EYS: variants seen among roughly 807,000 people sequenced by gnomAD.
EYS encodes the protein EGF-like photoreceptor maintenance factor.
Under a neutral mutation model 282.1 loss-of-function variants are expected in EYS, and 250 were observed. The observed-to-expected ratio is 0.89, with a 90% confidence interval of 0.80 to 0.98. The LOEUF is 0.98. Among genes scored for constraint, EYS ranks in the 50% least tolerant of loss-of-function variants. The pLI is 0.00. For synonymous variants in EYS, 1,355 were observed against 1,282.9 expected (o/e 1.06, Z -1.20); for missense variants, 4,016 against 3,709.0 (o/e 1.08, Z -2.15).
At chr6:64,748,584 G>T (rs896230815) in intron 22 of EYS, among the ~76,000 whole-genome samples, 1 of 152,160 alleles carries the variant, frequency 6.6e-6, no homozygotes, top group African/African-American at 2.4e-5. Context: ...ATCTATCATT[G>T]TGTTCCCAGA....
intron 33 of EYS, among the ~76,000 whole-genome samples, chr6:64,030,833 G>A (rs1769786568): frequency 6.6e-6 from 1 of 152,178 alleles, no homozygotes; most frequent in Admixed American, 6.5e-5. Context: ...AGGACCCCTG[G>A]ACCAACGCGC....
At chr6:64,740,274 T>C (rs1282158446) in intron 22 of EYS, among the ~76,000 whole-genome samples, 1 of 152,198 alleles carries the variant, frequency 6.6e-6, no homozygotes, top group Non-Finnish European at 1.5e-5. Context: ...GTTTCTACTA[T>C]ATTTTCAAAT....
intron 22 of EYS, among the ~76,000 whole-genome samples, chr6:64,681,570 TG>T (rs1769896099): frequency 6.6e-6 from 1 of 152,138 alleles, no homozygotes; most frequent in Admixed American, 6.5e-5. Flanking sequence ...TGTCAGGTGA[TG>T]GTTCCGCAAT....
intron 12 of EYS, among the ~76,000 whole-genome samples, chr6:65,067,532 G>A (rs912876378): frequency 6.6e-6 from 1 of 152,060 alleles, no homozygotes; most frequent in Non-Finnish European, 1.5e-5. Flanking sequence ...ATCAATGGGT[G>A]TATCAGTTGG....
chr6:64,534,796 CTT>C (rs199740002), intron 26 of EYS, among the ~76,000 whole-genome samples: 2,379 of 146,408 alleles, frequency 0.016, 51 homozygotes, highest in East Asian at 0.088. Flanking sequence ...TTAACACCAT[CTT>C]TTTTTTTTTT....
chr6:64,392,431 C>G (rs1308105103), intron 28 of EYS, among the ~76,000 whole-genome samples: 1 of 150,508 alleles, frequency 6.6e-6, no homozygotes, highest in East Asian at 2.0e-4. Flanking sequence ...AACTATCTCT[C>G]AGACCACACT....
At chr6:65,018,186 A>T (rs1253057976) in intron 13 of EYS, among the ~76,000 whole-genome samples, 1 of 152,214 alleles carries the variant, frequency 6.6e-6, no homozygotes, top group Non-Finnish European at 1.5e-5. Flanking sequence ...AACCATATCA[A>T]AGCACCACAA....
intron 12 of EYS, among the ~76,000 whole-genome samples, chr6:65,121,661 G>A (rs573165277): frequency 8.1e-4 from 123 of 152,222 alleles, no homozygotes; most frequent in Middle Eastern, 3.4e-3. Flanking sequence ...CTTTAGCAGT[G>A]AATGGCCTAA....
intron 29 of EYS, among the ~76,000 whole-genome samples, chr6:64,320,439 T>TAA (rs1770172534): frequency 6.6e-6 from 1 of 151,922 alleles, no homozygotes; most frequent in African/African-American, 2.4e-5. Context: ...TAATGGTCTT[T>TAA]TATTCTGCAG....
At chr6:63,831,265 G>A (rs900411225) in intron 36 of EYS, among the ~76,000 whole-genome samples, 2 of 152,134 alleles carry the variant, frequency 1.3e-5, no homozygotes, top group Admixed American at 6.5e-5. Flanking sequence ...AAAAGACACA[G>A]ACTGGCAAAT....
At chr6:64,189,093 A>G (rs1765031063) in intron 31 of EYS, among the ~76,000 whole-genome samples, 1 of 152,176 alleles carries the variant, frequency 6.6e-6, no homozygotes, top group Admixed American at 6.6e-5. Flanking sequence ...CACTATCAGA[A>G]CCACAATAAC....
Position 65,333,288 on chromosome 6 carries a change from A to T in EYS, c.1766+1692T>A, listed in dbSNP as rs141841079. On this transcript the variant is annotated intron_variant, in intron 11 of 42. Transcript: ENST00000503581. ...TAATTTCTCTTGCAATTTCACTTTG[A>T]TTCATTGTTTAATAAAGATTGTATT... Among the ~76,000 whole-genome samples, 122 of 151,716 alleles carry T rather than the reference A, an allele frequency of 8.0e-4. 1 individual carries two copies. The highest frequency in any genetic ancestry group is 2.6e-3 in the African/African-American group (109 of 41,498).
chr6:64,884,720 T>C (rs1352275835), intron 19 of EYS, among the ~76,000 whole-genome samples: 1 of 151,656 alleles, frequency 6.6e-6, no homozygotes, highest in Non-Finnish European at 1.5e-5. Flanking sequence ...TGTAACTTTC[T>C]TGAGGGGGAA....
intron 33 of EYS, among the ~76,000 whole-genome samples, chr6:64,041,716 T>C (rs1003660690): frequency 6.6e-6 from 1 of 152,126 alleles, no homozygotes; most frequent in Non-Finnish European, 1.5e-5. Flanking sequence ...TGACAGAAAA[T>C]ACTGAATAGG....
chr6:65,324,728 C>G (rs1458306777), intron 11 of EYS, among the ~76,000 whole-genome samples: 1 of 152,188 alleles, frequency 6.6e-6, no homozygotes. Context: ...GACCCTGGCT[C>G]TGCTGTGTGA....
At chr6:64,977,493 C>A (rs1269361709) in intron 14 of EYS, among the ~76,000 whole-genome samples, 1 of 151,586 alleles carries the variant, frequency 6.6e-6, no homozygotes, top group Non-Finnish European at 1.5e-5. Context: ...TAAAATGAGG[C>A]CAATTAATAA....
chr6:64,534,334 A>C lies in EYS; in HGVS notation c.5644+55889T>G, dbSNP rs374899438. Reference sequence around the variant, plus strand: ...TACTTTTCTTGGTTTTCTTTACCAAATTTTCTAAAATGAGTCTGTGTTATC... The same window carrying C: ...TACTTTTCTTGGTTTTCTTTACCAACTTTTCTAAAATGAGTCTGTGTTATC... On this transcript the variant is annotated intron_variant, in intron 26 of 42. Coordinates refer to ENST00000503581, the MANE Select transcript of EYS (RefSeq NM_001142800.2). Among the ~76,000 whole-genome samples, 80 of 151,968 alleles carry C rather than the reference A, an allele frequency of 5.3e-4. 1 individual carries two copies. In the East Asian group the frequency reaches 5.6e-3, roughly 11 times the overall value.
At chr6:64,734,896 G>C (rs1054335111) in intron 22 of EYS, among the ~76,000 whole-genome samples, 2 of 151,844 alleles carry the variant, frequency 1.3e-5, no homozygotes, top group Non-Finnish European at 2.9e-5. Context: ...CAGAACAATA[G>C]GAATTCTATA....
intron 22 of EYS, among the ~76,000 whole-genome samples, chr6:64,764,162 T>A (rs1165080051): frequency 2.6e-5 from 4 of 152,210 alleles, no homozygotes; most frequent in Admixed American, 2.0e-4. Flanking sequence ...GGACACTATG[T>A]GGGGGCTCCA....
Sources: allele counts gnomAD v4.1 joint callset (sites outside exome capture counted in the v4.1 genomes callset), GRCh38; gene constraint gnomAD v4.1.1; transcripts MANE v1.5; gene names NCBI Gene and HGNC (gene_info 2026-07-23, HGNC 2026-07-21).